Variants in SPMIP9 observed in about 807,000 individuals in gnomAD.
SPMIP9 encodes protein SPMIP9.
At chr2:88,528,914 A>G in the SPMIP9 span, 30 of 806,230 alleles carry the variant, frequency 3.7e-5, no homozygotes, top group South Asian at 7.5e-5. Context: ...CCTCTGTTGT[A>G]TATGTTACCA....
At chr2:88,528,087 C>G in the SPMIP9 span, among the ~76,000 whole-genome samples, 1 of 148,404 alleles carries the variant, frequency 6.7e-6, no homozygotes, top group South Asian at 2.1e-4. Flanking sequence ...GGTTTCTTGT[C>G]TTTTTCTTAT....
At chr2:88,528,736 G>C in the SPMIP9 span, among the ~76,000 whole-genome samples, 3 of 152,136 alleles carry the variant, frequency 2.0e-5, no homozygotes, top group Non-Finnish European at 2.9e-5. Flanking sequence ...TACAAACCAA[G>C]GGAAGAAGAT....
At chr2:88,529,129 T>C in the SPMIP9 span, 12 of 1,613,942 alleles carry the variant, frequency 7.4e-6, no homozygotes, top group Admixed American at 1.7e-4. Flanking sequence ...AGCTAACAGA[T>C]GGGTACCCTG....
the SPMIP9 span, among the ~76,000 whole-genome samples, chr2:88,525,951 T>C: frequency 1.3e-5 from 2 of 152,270 alleles, no homozygotes; most frequent in South Asian, 4.2e-4. Context: ...GATGTCTAAG[T>C]ACACTAAACC....
chr2:88,526,941 C>T, the SPMIP9 span, among the ~76,000 whole-genome samples: 2 of 152,168 alleles, frequency 1.3e-5, no homozygotes, highest in Non-Finnish European at 2.9e-5. Context: ...GCTAGAATTA[C>T]AGGCGTGAGC....
chr2:88,526,834 A>G, the SPMIP9 span, among the ~76,000 whole-genome samples: 1 of 151,938 alleles, frequency 6.6e-6, no homozygotes, highest in South Asian at 2.1e-4. Context: ...GCGTCAGCTA[A>G]TTTTTGTATT....
chr2:88,525,793 GT>G, the SPMIP9 span: 1 of 968,048 alleles, frequency 1.0e-6, no homozygotes. Context: ...TTTGGGTTTT[GT>G]GGGTTTTTTT....
the SPMIP9 span, among the ~76,000 whole-genome samples, chr2:88,525,222 A>G: frequency 6.6e-6 from 1 of 152,196 alleles, no homozygotes; most frequent in African/African-American, 2.4e-5. Flanking sequence ...CAATGACATT[A>G]TGTTGATAGC....
chr2:88,526,560 C>A, the SPMIP9 span: 1 of 1,265,650 alleles, frequency 7.9e-7, no homozygotes, highest in South Asian at 1.2e-5. Flanking sequence ...TCTGTTGCTT[C>A]ATTTGTATTA....
chr2:88,529,136 C>T, the SPMIP9 span: 3 of 1,614,034 alleles, frequency 1.9e-6, no homozygotes, highest in Non-Finnish European at 2.5e-6. Context: ...AGATGGGTAC[C>T]CTGCTTTCAA....
the SPMIP9 span, among the ~76,000 whole-genome samples, chr2:88,526,913 G>A: frequency 6.6e-6 from 1 of 152,064 alleles, no homozygotes; most frequent in Non-Finnish European, 1.5e-5. Context: ...TGATCCACCT[G>A]CCTCGGCCTC....
chr2:88,528,959 G>A, the SPMIP9 span: 1 of 1,296,614 alleles, frequency 7.7e-7, no homozygotes, highest in African/African-American at 1.5e-5. Context: ...AAAAAATAAA[G>A]AAGGGTGTGC....
chr2:88,529,401 C>T, the SPMIP9 span: 3 of 1,614,102 alleles, frequency 1.9e-6, no homozygotes, highest in African/African-American at 1.3e-5. Flanking sequence ...CCAGGGTGTC[C>T]CTGTCTTCAT....
the SPMIP9 span, among the ~76,000 whole-genome samples, chr2:88,527,178 C>T: frequency 6.6e-6 from 1 of 152,002 alleles, no homozygotes; most frequent in East Asian, 1.9e-4. Flanking sequence ...GTTAATCATT[C>T]CCTTGTAGGC....
At chr2:88,527,440 T>TCC in the SPMIP9 span, among the ~76,000 whole-genome samples, 2 of 151,732 alleles carry the variant, frequency 1.3e-5, no homozygotes. Flanking sequence ...CGAGACTCTA[T>TCC]CCCCCCCAAA....
chr2:88,526,309 C>T, the SPMIP9 span: 22 of 926,554 alleles, frequency 2.4e-5, no homozygotes, highest in East Asian at 3.2e-4. Flanking sequence ...GCCCCAAAGT[C>T]GGCCTTTGTC....
At chr2:88,526,471 A>G in the SPMIP9 span, 14 of 1,613,998 alleles carry the variant, frequency 8.7e-6, no homozygotes, top group Admixed American at 1.7e-5. Flanking sequence ...CAGGAAGCAC[A>G]AATACTCCAG....
chr2:88,527,446 C>A, the SPMIP9 span, among the ~76,000 whole-genome samples: 7 of 151,886 alleles, frequency 4.6e-5, no homozygotes, highest in African/African-American at 1.5e-4. Context: ...TCTATCCCCC[C>A]CAAAAAAATC....
chr2:88,529,330 G>A, the SPMIP9 span: 192 of 1,613,978 alleles, frequency 1.2e-4, no homozygotes, highest in Admixed American at 5.5e-4. Flanking sequence ...CTGACTTTCC[G>A]TGCCTCGTGG....
Sources: gnomAD v4.1 joint callset for allele counts (sites outside exome capture counted in the v4.1 genomes callset) on GRCh38, gnomAD v4.1.1 for gene constraint, MANE v1.5 for transcripts, NCBI Gene and HGNC (gene_info 2026-07-23, HGNC 2026-07-21) for gene names.